The following GLIS1 variants were observed in gnomAD, a reference collection of about 807,000 sequenced individuals.
GLIS1 encodes the protein GLIS family zinc finger 1.
In GLIS1, 24 loss-of-function variants were observed where a neutral mutation model predicts 63.8. That is an observed-to-expected ratio of 0.38 (90% CI 0.27 to 0.53). The LOEUF (loss-of-function observed/expected upper bound fraction) is 0.53. Among genes scored for constraint, GLIS1 ranks in the 20% least tolerant of loss-of-function variants. The probability of loss-of-function intolerance (pLI) is 0.85; values close to 1 mark genes in which losing one functional copy is unlikely to be tolerated. For synonymous variants in GLIS1, 450 were observed against 482.5 expected, an observed-to-expected ratio of 0.93 and a Z score of 0.88; for missense variants, 1,036 against 1,074.1, an observed-to-expected ratio of 0.96 and a Z score of 0.50.
intron 2 of GLIS1, among the ~76,000 whole-genome samples, chr1:53,720,133 G>A (rs1646739306): frequency 6.6e-6 from 1 of 152,214 alleles, no homozygotes; most frequent in South Asian, 2.1e-4. Flanking sequence ...CCAAGATCGT[G>A]CCACTGCACT....
At chr1:53,685,423 C>T (rs2100441173) in intron 2 of GLIS1, among the ~76,000 whole-genome samples, 1 of 152,352 alleles carries the variant, frequency 6.6e-6, no homozygotes, top group African/African-American at 2.4e-5. Context: ...GGCCTGTGTA[C>T]ATTCCTCCGT....
At position 53,585,055 on chromosome 1, in the gene GLIS1, A is replaced by G. The variant is rs141276269; in HGVS notation, c.1320+9053T>C. Among the ~76,000 whole-genome samples, 838 of 152,320 alleles carry G rather than the reference A, an allele frequency of 5.5e-3. 5 individuals carry two copies. Among genetic ancestry groups the G allele is most frequent in the Non-Finnish European group, 9.8e-3 (668 of 68,030 alleles). The stretch of plus-strand genomic sequence containing the variant: ...CAAAAGCTTTTTCCTTTATTAGTTT[A>G]AATTCAATTCAAATAGTTGTGTTTT... On this transcript the variant is annotated intron_variant, in intron 4 of 10. Transcript: ENST00000628545.
intron 2 of GLIS1, among the ~76,000 whole-genome samples, chr1:53,721,690 TG>T (rs1176661537): frequency 1.3e-5 from 2 of 152,160 alleles, no homozygotes; most frequent in Admixed American, 1.3e-4. Context: ...GGCATTATTT[TG>T]CTAAAAATAA....
intron 2 of GLIS1, among the ~76,000 whole-genome samples, chr1:53,709,415 C>CATATACATATATATAT (rs777561220): frequency 5.7e-4 from 71 of 123,606 alleles, no homozygotes; most frequent in Non-Finnish European, 7.6e-4. Context: ...TATATATACA[C>CATATACATATATATAT]ACACACACAC....
intron 2 of GLIS1, among the ~76,000 whole-genome samples, chr1:53,624,260 T>C (rs1427618472): frequency 6.6e-6 from 1 of 152,258 alleles, no homozygotes; most frequent in Non-Finnish European, 1.5e-5. Flanking sequence ...CATTTGATTT[T>C]TTACAAGGGT....
At chr1:53,648,316 C>T (rs1645869080) in intron 2 of GLIS1, among the ~76,000 whole-genome samples, 2 of 152,142 alleles carry the variant, frequency 1.3e-5, no homozygotes, top group South Asian at 4.1e-4. Flanking sequence ...AAGACACCAA[C>T]ACACACCCAC....
At chr1:53,628,865 T>C (rs1458293487) in intron 2 of GLIS1, among the ~76,000 whole-genome samples, 1 of 152,166 alleles carries the variant, frequency 6.6e-6, no homozygotes, top group Non-Finnish European at 1.5e-5. Flanking sequence ...GGAAGGCTCC[T>C]GGGCACAGGA....
At chr1:53,602,567 A>G (rs1261848802) in intron 2 of GLIS1, among the ~76,000 whole-genome samples, 1 of 152,116 alleles carries the variant, frequency 6.6e-6, no homozygotes, top group Non-Finnish European at 1.5e-5. Context: ...CAGTGAAGGA[A>G]GGCAGGCCCT....
chr1:53,525,742 C>T (rs1047536998), intron 5 of GLIS1, among the ~76,000 whole-genome samples: 3 of 151,932 alleles, frequency 2.0e-5, no homozygotes, highest in Admixed American at 6.6e-5. Context: ...AGGCCATCTC[C>T]CGGCACCGCA....
At chr1:53,720,594 T>G (rs1235855228) in intron 2 of GLIS1, among the ~76,000 whole-genome samples, 1 of 152,144 alleles carries the variant, frequency 6.6e-6, no homozygotes, top group South Asian at 2.1e-4. Context: ...AAAGTGACTA[T>G]AGTTAACAGT....
intron 2 of GLIS1, among the ~76,000 whole-genome samples, chr1:53,668,061 C>T (rs557711080): frequency 2.0e-5 from 3 of 152,314 alleles, no homozygotes; most frequent in South Asian, 2.1e-4. Context: ...GCCTGCCCAC[C>T]GCAGCATCTG....
chr1:53,532,470 C>T (rs980998934), intron 4 of GLIS1, among the ~76,000 whole-genome samples: 5 of 152,246 alleles, frequency 3.3e-5, no homozygotes, highest in Admixed American at 3.3e-4. Flanking sequence ...GAGCCACCCA[C>T]AGCTGGGTTT....
At chr1:53,702,628 G>A (rs1646535922) in intron 2 of GLIS1, among the ~76,000 whole-genome samples, 2 of 152,214 alleles carry the variant, frequency 1.3e-5, no homozygotes, top group South Asian at 2.1e-4. Context: ...GATGTGAGGG[G>A]AGGGGGCTGC....
chr1:53,601,462 A>G lies in GLIS1; in HGVS notation c.260-1184T>C, dbSNP rs181166297. Among the ~76,000 whole-genome samples the G allele has an allele frequency of 5.0e-3, 762 of 152,284 alleles. 5 individuals carry two copies. Among genetic ancestry groups the G allele is most frequent in the Non-Finnish European group, 8.1e-3 (551 of 68,018 alleles). ...GATAAACCATTAAGACGTGAAAAAAACCTGGTCCTGGAACATGATTGACTC... is the reference window on the plus strand; with the variant it reads ...GATAAACCATTAAGACGTGAAAAAAGCCTGGTCCTGGAACATGATTGACTC... On this transcript the variant is annotated intron_variant, in intron 2 of 10. Transcript: ENST00000628545.
At chr1:53,546,641 GC>G (rs1644702291) in intron 4 of GLIS1, among the ~76,000 whole-genome samples, 1 of 152,210 alleles carries the variant, frequency 6.6e-6, no homozygotes, top group Non-Finnish European at 1.5e-5. Flanking sequence ...ATCCAGCAGT[GC>G]CAATACACCA....
At chr1:53,728,410 C>T (rs991301933) in intron 2 of GLIS1, among the ~76,000 whole-genome samples, 3 of 152,172 alleles carry the variant, frequency 2.0e-5, no homozygotes, top group African/African-American at 7.2e-5. Context: ...TGTGTTAACA[C>T]ATTCCACCCT....
chr1:53,696,656 C>CA (rs11402450), intron 2 of GLIS1, among the ~76,000 whole-genome samples: 1 of 151,714 alleles, frequency 6.6e-6, no homozygotes, highest in Non-Finnish European at 1.5e-5. Context: ...TATTTCTCTC[C>CA]TTCCCTCCAC....
rs1028093582 is a variant in GLIS1, at chr1:53,614,812, GCA to G, written c.260-14536_260-14535del. 7.0e-3 allele frequency among the ~76,000 whole-genome samples: 1,065 copies of G among 151,148 alleles called. 19 individuals carry two copies. Among genetic ancestry groups the G allele is most frequent in the African/African-American group, 0.023 (956 of 41,042 alleles). ...CACACGCACACACACGCACACACAT[GCA>G]CACACATACTCTTTCACACACATGC... On this transcript the variant is annotated intron_variant, in intron 2 of 10. Transcript: ENST00000628545.
At chr1:53,538,247 A>G (rs1644602665) in intron 4 of GLIS1, among the ~76,000 whole-genome samples, 1 of 151,962 alleles carries the variant, frequency 6.6e-6, no homozygotes, top group Non-Finnish European at 1.5e-5. Flanking sequence ...GGGCTCTTTG[A>G]TTTGGACCGT....
Sources: allele counts gnomAD v4.1 joint callset (sites outside exome capture counted in the v4.1 genomes callset), GRCh38; gene constraint gnomAD v4.1.1; transcripts MANE v1.5; gene names NCBI Gene and HGNC (gene_info 2026-07-23, HGNC 2026-07-21).